CNTLN: variants seen among roughly 807,000 people sequenced by gnomAD.
CNTLN encodes centlein.
Under a neutral mutation model 180.0 loss-of-function variants are expected in CNTLN, and 212 were observed. The observed-to-expected ratio is 1.18, with a 90% CI of 1.05 to 1.32. The LOEUF is 1.32. CNTLN is among the 40% of genes most tolerant of loss of function. CNTLN has a pLI of 0.00. For missense variants in CNTLN, 2,095 were observed against 1,610.9 expected (o/e 1.30, Z -5.14); for synonymous variants, 722 against 563.1 (o/e 1.28, Z -3.99).
intron 2 of CNTLN, among the ~76,000 whole-genome samples, chr9:17,198,983 T>G (rs551394827): frequency 6.6e-6 from 1 of 152,132 alleles, no homozygotes; most frequent in Non-Finnish European, 1.5e-5. Context: ...AATGCTACAA[T>G]AAACATACAT....
chr9:17,157,541 A>T (rs936425746), intron 2 of CNTLN, among the ~76,000 whole-genome samples: 4 of 152,192 alleles, frequency 2.6e-5, no homozygotes, highest in African/African-American at 9.6e-5. Flanking sequence ...TATTTGGATT[A>T]ACGTTAGTTT....
At chr9:17,349,448 C>G (rs1016125985) in intron 12 of CNTLN, among the ~76,000 whole-genome samples, 1 of 152,086 alleles carries the variant, frequency 6.6e-6, no homozygotes, top group African/African-American at 2.4e-5. Context: ...TACCTTTCAA[C>G]TGAATTTAAA....
At chr9:17,214,031 A>T (rs1177621401) in intron 2 of CNTLN, among the ~76,000 whole-genome samples, 1 of 152,118 alleles carries the variant, frequency 6.6e-6, no homozygotes, top group African/African-American at 2.4e-5. Context: ...GTGTCTTTTA[A>T]TTGGAGCATT....
chr9:17,244,462 C>G (rs1021920108), intron 5 of CNTLN, among the ~76,000 whole-genome samples: 16 of 152,284 alleles, frequency 1.1e-4, no homozygotes, highest in African/African-American at 2.2e-4. Flanking sequence ...AAGTGACCCT[C>G]CTGCCTCTGC....
At chr9:17,189,746 C>T (rs189018596) in intron 2 of CNTLN, among the ~76,000 whole-genome samples, 2 of 152,140 alleles carry the variant, frequency 1.3e-5, no homozygotes, top group East Asian at 3.9e-4. Context: ...TTCAGCCTCC[C>T]AAAGTGTTGG....
At chr9:17,303,922 T>A (rs1818536525) in intron 7 of CNTLN, among the ~76,000 whole-genome samples, 1 of 152,170 alleles carries the variant, frequency 6.6e-6, no homozygotes, top group South Asian at 2.1e-4. Context: ...TTATTAAACT[T>A]CTTTAAGAAT....
intron 5 of CNTLN, among the ~76,000 whole-genome samples, chr9:17,261,578 T>C (rs1826980165): frequency 2.0e-5 from 3 of 151,408 alleles, no homozygotes; most frequent in South Asian, 4.1e-4. Flanking sequence ...TTGGTGGAAT[T>C]TGTAGGGTTT....
At chr9:17,302,553 A>G (rs1472930370) in intron 7 of CNTLN, among the ~76,000 whole-genome samples, 3 of 152,176 alleles carry the variant, frequency 2.0e-5, no homozygotes, top group Non-Finnish European at 2.9e-5. Flanking sequence ...TTATGCCATA[A>G]TAAGAATGTA....
intron 3 of CNTLN, among the ~76,000 whole-genome samples, chr9:17,235,368 C>T (rs1420517624): frequency 1.3e-5 from 2 of 151,942 alleles, no homozygotes; most frequent in African/African-American, 4.8e-5. Flanking sequence ...TTCGTAAAAT[C>T]TTGTTTTTCT....
chr9:17,475,625 C>T (rs1001988148), intron 23 of CNTLN, among the ~76,000 whole-genome samples: 1 of 151,924 alleles, frequency 6.6e-6, no homozygotes, highest in Non-Finnish European at 1.5e-5. Context: ...GTAATCCTAG[C>T]ACTTCGGGAG....
chr9:17,139,435 C>A (rs944508949), intron 1 of CNTLN, among the ~76,000 whole-genome samples: 1 of 151,596 alleles, frequency 6.6e-6, no homozygotes, highest in East Asian at 2.0e-4. Context: ...CTGAGATGGG[C>A]GGATCACTTG....
In CNTLN at chr9:17,279,626, GT is replaced by G. The variant is rs78373194; in HGVS notation, c.983+5773del. Among the ~76,000 whole-genome samples the G allele has an allele frequency of 3.2e-3, 460 of 144,076 alleles. 1 individual carries two copies. Among genetic ancestry groups the G allele is most frequent in the African/African-American group, 8.7e-3 (347 of 39,772 alleles). 94.5% of individuals were successfully genotyped at this position (144,076 alleles called of 152,430 possible). A position where few individuals can be genotyped will look rare whatever the true frequency, so the allele number is the denominator to read the frequency against. On this transcript the variant is annotated intron_variant, in intron 6 of 25. Coordinates refer to ENST00000380647, the MANE Select transcript of CNTLN (RefSeq NM_017738.4). Reference sequence around the variant, plus strand: ...GATCTTTGTTTTTGGAAGGTGTCAGGTTTTTTTTTTTTTCCTGCAGAATTAT... The same window carrying G: ...GATCTTTGTTTTTGGAAGGTGTCAGGTTTTTTTTTTTTCCTGCAGAATTAT...
chr9:17,274,839 G>A (rs1407954937), intron 6 of CNTLN, among the ~76,000 whole-genome samples: 3 of 151,872 alleles, frequency 2.0e-5, no homozygotes, highest in Non-Finnish European at 4.4e-5. Context: ...AGTTCCATTA[G>A]GCAAAATACA....
chr9:17,386,292 T>C (rs187489777), intron 13 of CNTLN, among the ~76,000 whole-genome samples: 1 of 151,828 alleles, frequency 6.6e-6, no homozygotes, highest in East Asian at 1.9e-4. Context: ...CTTAAATAAC[T>C]ATGAATAAGC....
intron 5 of CNTLN, among the ~76,000 whole-genome samples, chr9:17,250,501 A>G (rs1207582563): frequency 6.6e-6 from 1 of 151,854 alleles, no homozygotes; most frequent in African/African-American, 2.4e-5. Flanking sequence ...TGTTTAGTAT[A>G]TATGTTATTG....
intron 6 of CNTLN, among the ~76,000 whole-genome samples, chr9:17,289,730 C>T (rs371690940): frequency 7.0e-6 from 1 of 142,838 alleles, no homozygotes; most frequent in Non-Finnish European, 1.5e-5. Flanking sequence ...TTTTCTCTAA[C>T]CTTCCCTTCT....
intron 5 of CNTLN, among the ~76,000 whole-genome samples, chr9:17,252,110 C>T (rs112344103): frequency 3.3e-5 from 5 of 151,904 alleles, no homozygotes; most frequent in African/African-American, 9.6e-5. Flanking sequence ...TATATATACA[C>T]CACATTTTCT....
rs12001193 is a variant in CNTLN at position 17,314,522 on chromosome 9, A to G, written c.1341+5270A>G. 1.4e-3 allele frequency among the ~76,000 whole-genome samples: 208 copies of G among 152,324 alleles called. 1 individual carries two copies. Among genetic ancestry groups the G allele is most frequent in the African/African-American group, 4.3e-3 (180 of 41,562 alleles). Reference sequence around the variant, plus strand: ...GATTGCTTAGAGGTCTGCTTAGTGCATGAACAGTTCATTTATGAGTTCATA... The same window carrying G: ...GATTGCTTAGAGGTCTGCTTAGTGCGTGAACAGTTCATTTATGAGTTCATA... On this transcript the variant is annotated intron_variant, in intron 8 of 25. Coordinates refer to ENST00000380647, the MANE Select transcript of CNTLN (RefSeq NM_017738.4).
intron 23 of CNTLN, 51 bp downstream of exon 23, chr9:17,466,942 G>T: frequency 7.6e-7 from 1 of 1,314,254 alleles, no homozygotes; most frequent in Non-Finnish European, 1.1e-6. Context: ...AGGCAGATAG[G>T]CAGTAGCCTA....
Sources: gnomAD v4.1 joint callset for allele counts (sites outside exome capture counted in the v4.1 genomes callset) on GRCh38, gnomAD v4.1.1 for gene constraint, MANE v1.5 for transcripts, NCBI Gene and HGNC (gene_info 2026-07-23, HGNC 2026-07-21) for gene names.